The following ALK variants were observed in gnomAD, a reference collection of about 807,000 sequenced individuals.
ALK encodes ALK receptor tyrosine kinase.
In ALK, 74 loss-of-function variants were observed where a neutral mutation model predicts 163.1. The observed-to-expected ratio is 0.45, with a 90% confidence interval of 0.38 to 0.55. The LOEUF (loss-of-function observed/expected upper bound fraction) is 0.55, where lower values mean the gene tolerates loss of function less well. Ranked by LOEUF, ALK falls within the 20% of genes least tolerant of loss-of-function variation. ALK has a pLI of 0.00. For missense variants in ALK, 2,063 were observed against 2,105.3 expected (o/e 0.98, Z 0.39); for synonymous variants, 960 against 843.2 (o/e 1.14, Z -2.40).
rs13383676 is a variant in ALK, at chr2:29,485,838, C to A, written c.1154+46077G>T. On this transcript the variant is annotated intron_variant, in intron 4 of 28. Coordinates refer to ENST00000389048, the MANE Select transcript of ALK (RefSeq NM_004304.5). ...ACATTGTTCCTAGGACTGCAACTTG[C>A]GAAAAACAGTGGCCTCAGTGGCATT... 6.6e-4 allele frequency among the ~76,000 whole-genome samples: 101 copies of A among 151,938 alleles called. 1 individual carries two copies. The highest frequency in any genetic ancestry group is 2.4e-3 in the African/African-American group (99 of 41,370).
Position 29,732,720 on chromosome 2 carries a change from C to T in ALK, c.668-15023G>A, listed in dbSNP as rs140393691. On this transcript the variant is annotated intron_variant, in intron 1 of 28. Coordinates refer to ENST00000389048, the MANE Select transcript of ALK (RefSeq NM_004304.5). Reference sequence around the variant, plus strand: ...GGGATTAGTGCCCACAGAAAAGAGGCCCAAAAGAGAACCCTCACCCCTTCC... The same window carrying T: ...GGGATTAGTGCCCACAGAAAAGAGGTCCAAAAGAGAACCCTCACCCCTTCC... Among the ~76,000 whole-genome samples, 64 of 152,166 alleles carry T rather than the reference C, an allele frequency of 4.2e-4. No homozygotes were observed. The Middle Eastern group carries it at 0.017, about 40-fold the overall frequency.
chr2:29,582,820 C>A (rs1456444939), intron 3 of ALK, among the ~76,000 whole-genome samples: 1 of 148,632 alleles, frequency 6.7e-6, no homozygotes, highest in East Asian at 2.0e-4. Context: ...CAACTTCACA[C>A]AAGGAAAAGA....
At chr2:29,870,441 G>C (rs1666548463) in intron 1 of ALK, among the ~76,000 whole-genome samples, 1 of 152,102 alleles carries the variant, frequency 6.6e-6, no homozygotes. Flanking sequence ...AGAACAGCAA[G>C]GGGGAAGTCA....
chr2:29,820,621 T>C (rs574650963), intron 1 of ALK, among the ~76,000 whole-genome samples: 1 of 152,288 alleles, frequency 6.6e-6, no homozygotes, highest in African/African-American at 2.4e-5. Context: ...AAGAAGCACG[T>C]CCCATGCCAT....
intron 4 of ALK, among the ~76,000 whole-genome samples, chr2:29,480,914 A>T (rs1367529372): frequency 6.6e-6 from 1 of 151,910 alleles, no homozygotes; most frequent in Non-Finnish European, 1.5e-5. Context: ...AAGGCCAAAG[A>T]TTCTGCATTT....
intron 2 of ALK, among the ~76,000 whole-genome samples, chr2:29,702,554 C>T (rs1195473717): frequency 6.6e-6 from 1 of 152,170 alleles, no homozygotes; most frequent in East Asian, 1.9e-4. Flanking sequence ...GCAATAAAGC[C>T]CAGGGCTTAA....
intron 4 of ALK, among the ~76,000 whole-genome samples, chr2:29,507,560 T>C (rs1477608676): frequency 6.6e-6 from 1 of 152,114 alleles, no homozygotes; most frequent in Non-Finnish European, 1.5e-5. Flanking sequence ...GTTAAATAAT[T>C]AAAAATGGAA....
At chr2:29,229,165 C>A in intron 15 of ALK, 99 bp from the exon 16 acceptor site, 1 of 1,087,698 alleles carries the variant, frequency 9.2e-7, no homozygotes, top group Non-Finnish European at 1.4e-6. Flanking sequence ...GGAGGGCGCC[C>A]GCACCAGCTC....
At chr2:29,844,934 G>C (rs532765700) in intron 1 of ALK, among the ~76,000 whole-genome samples, 1 of 151,656 alleles carries the variant, frequency 6.6e-6, no homozygotes, top group East Asian at 1.9e-4. Flanking sequence ...CTACAGAAAG[G>C]CTCCTCACAG....
intron 1 of ALK, among the ~76,000 whole-genome samples, chr2:29,914,102 G>A (rs1480638050): frequency 6.6e-5 from 10 of 152,160 alleles, no homozygotes; most frequent in Non-Finnish European, 1.5e-4. Context: ...ACTGGATTGC[G>A]AATATGCTGG....
chr2:29,843,683 A>T (rs1160690043), intron 1 of ALK, among the ~76,000 whole-genome samples: 1 of 152,192 alleles, frequency 6.6e-6, no homozygotes, highest in African/African-American at 2.4e-5. Flanking sequence ...TAAAGGACAA[A>T]ACCTCCCATA....
intron 1 of ALK, among the ~76,000 whole-genome samples, chr2:29,912,641 T>A (rs1461858920): frequency 1.3e-5 from 2 of 152,020 alleles, no homozygotes; most frequent in South Asian, 2.1e-4. Flanking sequence ...TATAAAGGAC[T>A]ATTTTTCTAT....
chr2:29,506,806 A>T (rs530691217), intron 4 of ALK, among the ~76,000 whole-genome samples: 1 of 152,264 alleles, frequency 6.6e-6, no homozygotes, highest in East Asian at 1.9e-4. Flanking sequence ...AGACCGAAAC[A>T]GTGTTTTGGG....
intron 1 of ALK, among the ~76,000 whole-genome samples, chr2:29,785,811 G>A (rs751581971): frequency 8.6e-5 from 13 of 151,572 alleles, no homozygotes; most frequent in African/African-American, 1.9e-4. Context: ...AACTCTCTGT[G>A]ACTTCTGACT....
intron 3 of ALK, among the ~76,000 whole-genome samples, chr2:29,608,365 G>GTAGA: frequency 6.6e-6 from 1 of 152,340 alleles, no homozygotes; most frequent in South Asian, 2.1e-4. Context: ...AAGACACATA[G>GTAGA]TAGACACTCA....
chr2:29,787,918 C>A (rs1285045089), intron 1 of ALK, among the ~76,000 whole-genome samples: 4 of 152,200 alleles, frequency 2.6e-5, no homozygotes, highest in Non-Finnish European at 5.9e-5. Flanking sequence ...AGAACCTACA[C>A]CTTAATTCAA....
At chr2:29,892,276 C>T (rs1452707539) in intron 1 of ALK, 2 of 152,196 alleles carry the variant, frequency 1.3e-5, no homozygotes, top group Non-Finnish European at 2.9e-5. Context: ...TCTTGAATCA[C>T]AGGATGGGAA....
chr2:29,353,909 T>A (rs2148281574), intron 5 of ALK, among the ~76,000 whole-genome samples: 1 of 152,248 alleles, frequency 6.6e-6, no homozygotes, highest in East Asian at 1.9e-4. Flanking sequence ...TTTGCCTGAT[T>A]AGGATGTTGA....
At chr2:29,570,949 C>A (rs915814521) in intron 3 of ALK, among the ~76,000 whole-genome samples, 3 of 152,004 alleles carry the variant, frequency 2.0e-5, no homozygotes, top group African/African-American at 7.3e-5. Flanking sequence ...ATAATAAAAT[C>A]TGTTTATATT....
Sources: allele counts gnomAD v4.1 joint callset (sites outside exome capture counted in the v4.1 genomes callset), GRCh38; gene constraint gnomAD v4.1.1; transcripts MANE v1.5; gene names NCBI Gene and HGNC (gene_info 2026-07-23, HGNC 2026-07-21).